PTPRD: variants seen among roughly 807,000 people sequenced by gnomAD.
PTPRD encodes the protein receptor-type tyrosine-protein phosphatase delta.
PTPRD carries 34 observed loss-of-function variants against 214.5 expected under a neutral mutation model. The observed-to-expected ratio is 0.16, with a 90% CI of 0.12 to 0.21. The LOEUF (loss-of-function observed/expected upper bound fraction) is 0.21. Among genes scored for constraint, PTPRD ranks in the 10% least tolerant of loss-of-function variants. The pLI, the probability that PTPRD is intolerant of heterozygous loss-of-function variation, is 1.00. For synonymous variants in PTPRD, 1,128 were observed against 845.7 expected (o/e 1.33, Z -5.79); for missense variants, 2,545 against 2,398.7 (o/e 1.06, Z -1.27).
intron 2 of PTPRD, among the ~76,000 whole-genome samples, chr9:10,500,870 C>G (rs527892913): frequency 6.6e-6 from 1 of 151,836 alleles, no homozygotes; most frequent in East Asian, 1.9e-4. Context: ...TTATTGCGAC[C>G]GACAGAATAT....
At chr9:9,645,565 G>A (rs2096130407) in intron 7 of PTPRD, among the ~76,000 whole-genome samples, 1 of 151,030 alleles carries the variant, frequency 6.6e-6, no homozygotes, top group Non-Finnish European at 1.5e-5. Context: ...ATTTTAAGCT[G>A]TAATCTATCC....
At chr9:8,346,719 G>C (rs1249707300) in intron 39 of PTPRD, among the ~76,000 whole-genome samples, 1 of 152,112 alleles carries the variant, frequency 6.6e-6, no homozygotes, top group Non-Finnish European at 1.5e-5. Context: ...CAAGAGTAGT[G>C]ATCTGGGCAA....
chr9:8,850,755 C>A (rs1012400149), intron 11 of PTPRD, among the ~76,000 whole-genome samples: 2 of 152,136 alleles, frequency 1.3e-5, no homozygotes, highest in African/African-American at 4.8e-5. Context: ...TCTCAAAATT[C>A]TCTAATAATA....
intron 7 of PTPRD, among the ~76,000 whole-genome samples, chr9:9,714,825 G>A (rs1252363399): frequency 6.6e-6 from 1 of 152,144 alleles, no homozygotes; most frequent in African/African-American, 2.4e-5. Context: ...TCATTTAGCA[G>A]GGTAGATGCT....
At chr9:8,538,666 A>T (rs2140102947) in intron 14 of PTPRD, among the ~76,000 whole-genome samples, 1 of 151,376 alleles carries the variant, frequency 6.6e-6, no homozygotes, top group South Asian at 2.1e-4. Flanking sequence ...ACATATTTTA[A>T]ATATATATGT....
intron 2 of PTPRD, among the ~76,000 whole-genome samples, chr9:10,408,188 G>A (rs149086283): frequency 5.1e-4 from 78 of 151,510 alleles, no homozygotes; most frequent in African/African-American, 1.8e-3. Flanking sequence ...TAAGGTTCTG[G>A]TTCCTGTAAT....
chr9:10,493,957 C>T lies in PTPRD; in HGVS notation c.-600+118441G>A, dbSNP rs986444871. Among the ~76,000 whole-genome samples, 6 of 151,860 alleles carry T rather than the reference C, an allele frequency of 4.0e-5. No homozygotes were observed. In the East Asian group the frequency reaches 9.7e-4, roughly 24 times the overall value. On this transcript the variant is annotated intron_variant, in intron 2 of 45. Transcript: ENST00000381196. ...CAAGTGAAGGTAGATGATGCCATATCTATTTGACATACTGTATTCAACATT... is the reference window on the plus strand; with the variant it reads ...CAAGTGAAGGTAGATGATGCCATATTTATTTGACATACTGTATTCAACATT...
intron 3 of PTPRD, among the ~76,000 whole-genome samples, chr9:10,260,113 T>C (rs1243301419): frequency 6.6e-6 from 1 of 152,220 alleles, no homozygotes; most frequent in East Asian, 1.9e-4. Context: ...TAAAAAAAAT[T>C]GTTTATCTGA....
In PTPRD at chr9:9,379,715, T is replaced by C. The variant is rs528021187; in HGVS notation, c.-203+17734A>G. The stretch of plus-strand genomic sequence containing the variant: ...GGTTTTCCTTTGACTTCTTTTGTTA[T>C]AGTTTTGTAGTTTTCCTCATATAGA... On this transcript the variant is annotated intron_variant, in intron 9 of 45. Transcript: ENST00000381196. 2.2e-3 allele frequency among the ~76,000 whole-genome samples: 336 copies of C among 152,140 alleles called. 1 individual carries two copies. Among genetic ancestry groups the C allele is most frequent in the African/African-American group, 7.4e-3 (309 of 41,574 alleles).
At chr9:10,490,019 A>G (rs1372320190) in intron 2 of PTPRD, among the ~76,000 whole-genome samples, 1 of 152,152 alleles carries the variant, frequency 6.6e-6, no homozygotes, top group Non-Finnish European at 1.5e-5. Flanking sequence ...GTGTTTATGT[A>G]GATAGTTGTT....
chr9:8,750,313 A>T (rs1016600425), intron 11 of PTPRD, among the ~76,000 whole-genome samples: 1 of 151,802 alleles, frequency 6.6e-6, no homozygotes, highest in East Asian at 2.0e-4. Context: ...GCGGGCCACC[A>T]CGCCCGGCTA....
chr9:8,732,859 T>C (rs112842223), intron 12 of PTPRD, among the ~76,000 whole-genome samples: 24 of 152,292 alleles, frequency 1.6e-4, no homozygotes, highest in African/African-American at 5.5e-4. Context: ...ATGAGTCAAA[T>C]TTAATCTCAC....
chr9:8,682,473 ATAAAT>A (rs1401085908), intron 12 of PTPRD, among the ~76,000 whole-genome samples: 4 of 147,724 alleles, frequency 2.7e-5, no homozygotes, highest in Non-Finnish European at 6.0e-5. Flanking sequence ...TCAATAAGAA[ATAAAT>A]TAAAAACCCC....
At chr9:9,267,715 T>C (rs1329517341) in intron 9 of PTPRD, among the ~76,000 whole-genome samples, 1 of 151,232 alleles carries the variant, frequency 6.6e-6, no homozygotes, top group East Asian at 2.0e-4. Flanking sequence ...AATGCAAGGA[T>C]GGCTTAACAT....
chr9:9,290,567 C>T (rs985187683), intron 9 of PTPRD, among the ~76,000 whole-genome samples: 1 of 151,396 alleles, frequency 6.6e-6, no homozygotes, highest in African/African-American at 2.4e-5. Context: ...CTTTAAACTA[C>T]TAGATCATTT....
intron 9 of PTPRD, among the ~76,000 whole-genome samples, chr9:9,292,030 T>A (rs947148160): frequency 6.6e-6 from 1 of 151,352 alleles, no homozygotes; most frequent in African/African-American, 2.4e-5. Flanking sequence ...GTAATGTGAA[T>A]AAGTAATACT....
intron 5 of PTPRD, among the ~76,000 whole-genome samples, chr9:9,884,936 C>T (rs2070264701): frequency 1.3e-5 from 2 of 152,048 alleles, no homozygotes; most frequent in Non-Finnish European, 2.9e-5. Context: ...GTTACCCAGT[C>T]TCATGTATGT....
rs114294501 is a variant in PTPRD, at chr9:9,841,276, C to A, written c.-367-74425G>T. Among the ~76,000 whole-genome samples, 1,312 of 152,088 alleles carry A rather than the reference C, an allele frequency of 8.6e-3. 21 individuals carry two copies. Among genetic ancestry groups the A allele is most frequent in the African/African-American group, 0.029 (1,202 of 41,488 alleles). ...GGTATACATAAGTATAATACACACACAAAAAAGTTGAAGTGTAATGGGCTG... is the reference window on the plus strand; with the variant it reads ...GGTATACATAAGTATAATACACACAAAAAAAAGTTGAAGTGTAATGGGCTG... On this transcript the variant is annotated intron_variant, in intron 5 of 45. Coordinates refer to ENST00000381196, the MANE Select transcript of PTPRD (RefSeq NM_002839.4).
intron 3 of PTPRD, among the ~76,000 whole-genome samples, chr9:10,157,903 G>T (rs192407671): frequency 6.6e-6 from 1 of 152,134 alleles, no homozygotes; most frequent in East Asian, 1.9e-4. Flanking sequence ...CAAGCTCTGA[G>T]ATTCTTCCTT....
Sources: gnomAD v4.1 joint callset for allele counts (sites outside exome capture counted in the v4.1 genomes callset) on GRCh38, gnomAD v4.1.1 for gene constraint, MANE v1.5 for transcripts, NCBI Gene and HGNC (gene_info 2026-07-23, HGNC 2026-07-21) for gene names.